The following SPATA16 variants were observed in gnomAD, a reference collection of about 807,000 sequenced individuals.
SPATA16 encodes spermatogenesis associated 16.
SPATA16 carries 36 observed loss-of-function variants against 63.3 expected under a neutral mutation model. That is an observed-to-expected ratio of 0.57 (90% CI 0.44 to 0.75). The LOEUF (loss-of-function observed/expected upper bound fraction) is 0.75, where lower values mean the gene tolerates loss of function less well. Ranked by LOEUF, SPATA16 falls within the 30% of genes least tolerant of loss-of-function variation. The probability of loss-of-function intolerance (pLI) is 0.00; values close to 1 mark genes in which losing one functional copy is unlikely to be tolerated. For missense variants in SPATA16, 646 were observed against 679.3 expected (o/e 0.95, Z 0.54); for synonymous variants, 203 against 216.7 (o/e 0.94, Z 0.56).
At position 173,034,613 on chromosome 3, in the gene SPATA16, G is replaced by A. The variant is rs1490296033; in HGVS notation, c.758+14336C>T. ...TGACATTGTAGGACTTCTAAATATT[G>A]TCTCTGATTTTCCTTTGCTAAATTA... On this transcript the variant is annotated intron_variant, in intron 3 of 10. Coordinates refer to ENST00000351008, the MANE Select transcript of SPATA16 (RefSeq NM_031955.6). Among the ~76,000 whole-genome samples, 3 of 152,122 alleles carry A rather than the reference G, an allele frequency of 2.0e-5. No homozygotes were observed. In the East Asian group the frequency reaches 5.8e-4, roughly 29 times the overall value.
chr3:173,119,950 G>A (rs1204620010), intron 1 of SPATA16, among the ~76,000 whole-genome samples: 1 of 152,122 alleles, frequency 6.6e-6, no homozygotes, highest in African/African-American at 2.4e-5. Flanking sequence ...AGCCGGATGT[G>A]GTGGCACATG....
intron 3 of SPATA16, among the ~76,000 whole-genome samples, chr3:173,047,480 A>G (rs1735983958): frequency 6.6e-6 from 1 of 151,974 alleles, no homozygotes; most frequent in South Asian, 2.1e-4. Flanking sequence ...ATGTATGCCT[A>G]TGGATTTTCT....
At chr3:172,922,439 G>A (rs911068359) in intron 8 of SPATA16, among the ~76,000 whole-genome samples, 4 of 152,150 alleles carry the variant, frequency 2.6e-5, no homozygotes, top group African/African-American at 9.7e-5. Context: ...AAAGATTCAT[G>A]TCTAAACAAA....
intron 3 of SPATA16, among the ~76,000 whole-genome samples, chr3:173,028,860 C>T (rs183333473): frequency 1.3e-5 from 2 of 151,920 alleles, no homozygotes; most frequent in Non-Finnish European, 2.9e-5. Context: ...ATCACCATAT[C>T]GGAAGCTGTC....
At chr3:173,088,325 C>T (rs1001467363) in intron 2 of SPATA16, among the ~76,000 whole-genome samples, 3 of 151,796 alleles carry the variant, frequency 2.0e-5, no homozygotes, top group South Asian at 4.2e-4. Flanking sequence ...CCTCATGATC[C>T]GACCACCTTG....
chr3:172,971,982 T>C (rs961232010), intron 5 of SPATA16, among the ~76,000 whole-genome samples: 2 of 152,162 alleles, frequency 1.3e-5, no homozygotes, highest in Non-Finnish European at 2.9e-5. Flanking sequence ...CCACAAACTA[T>C]GGGCCGTCTT....
intron 4 of SPATA16, among the ~76,000 whole-genome samples, chr3:172,988,125 G>T (rs1553789432): frequency 6.6e-6 from 1 of 152,114 alleles, no homozygotes; most frequent in Non-Finnish European, 1.5e-5. Context: ...CCCTGATATG[G>T]TAAACTGATT....
At chr3:172,947,928 C>A (rs1363387352) in intron 6 of SPATA16, among the ~76,000 whole-genome samples, 1 of 151,796 alleles carries the variant, frequency 6.6e-6, no homozygotes, top group African/African-American at 2.4e-5. Context: ...ACATGTATCC[C>A]AGAACTTAAA....
chr3:173,023,946 T>C (rs1419738863), intron 3 of SPATA16, among the ~76,000 whole-genome samples: 1 of 150,718 alleles, frequency 6.6e-6, no homozygotes, highest in African/African-American at 2.4e-5. Context: ...AATATATTAC[T>C]ATGAATATAA....
intron 6 of SPATA16, among the ~76,000 whole-genome samples, chr3:172,951,620 G>A (rs962018126): frequency 1.1e-4 from 17 of 152,274 alleles, no homozygotes; most frequent in African/African-American, 4.1e-4. Context: ...GGGCTGGCTG[G>A]AGAGAAAATA....
intron 10 of SPATA16, among the ~76,000 whole-genome samples, chr3:172,902,111 C>T (rs760810733): frequency 2.0e-5 from 3 of 152,174 alleles, no homozygotes; most frequent in Non-Finnish European, 4.4e-5. Flanking sequence ...GATCTCGGCT[C>T]ACTGAAACCT....
intron 1 of SPATA16, 129 bp from the exon 2 acceptor site, chr3:173,117,878 G>A: frequency 7.1e-7 from 1 of 1,404,896 alleles, no homozygotes; most frequent in Non-Finnish European, 9.7e-7. Flanking sequence ...AAGTAAAACT[G>A]TATTTACATA....
intron 5 of SPATA16, among the ~76,000 whole-genome samples, chr3:172,971,428 G>A (rs1001434043): frequency 1.3e-5 from 2 of 152,264 alleles, no homozygotes; most frequent in East Asian, 3.9e-4. Flanking sequence ...TAACAAATCT[G>A]TATCAAGCTG....
At chr3:173,139,109 T>G (rs1275694035) in intron 1 of SPATA16, among the ~76,000 whole-genome samples, 3 of 152,230 alleles carry the variant, frequency 2.0e-5, no homozygotes, top group Non-Finnish European at 4.4e-5. Context: ...CTCATGTAAT[T>G]GTTGAGAAGA....
At chr3:172,959,028 CT>C (rs1733673713) in intron 5 of SPATA16, among the ~76,000 whole-genome samples, 1 of 152,174 alleles carries the variant, frequency 6.6e-6, no homozygotes. Context: ...TCAGAAACAG[CT>C]TTCTGATGGT....
At chr3:173,072,651 C>T (rs1736701596) in intron 2 of SPATA16, among the ~76,000 whole-genome samples, 1 of 152,170 alleles carries the variant, frequency 6.6e-6, no homozygotes, top group African/African-American at 2.4e-5. Context: ...TGAGGCCTCC[C>T]CAGACATGTG....
intron 10 of SPATA16, among the ~76,000 whole-genome samples, chr3:172,896,422 C>T (rs897040656): frequency 1.3e-5 from 2 of 152,106 alleles, no homozygotes; most frequent in South Asian, 2.1e-4. Context: ...AGAGTTTCAT[C>T]GTGTTAGCCA....
chr3:172,980,369 T>A (rs116563193), intron 4 of SPATA16, among the ~76,000 whole-genome samples: 3,050 of 152,284 alleles, frequency 0.02, 41 homozygotes, highest in Admixed American at 0.031. Context: ...ATTAGAACAA[T>A]ATCTAGGTGC....
intron 2 of SPATA16, among the ~76,000 whole-genome samples, chr3:173,089,973 C>G (rs529581593): frequency 1.3e-5 from 2 of 152,160 alleles, no homozygotes; most frequent in East Asian, 1.9e-4. Flanking sequence ...TACTAAAAAG[C>G]CTGCTTTTAA....
Sources: allele counts gnomAD v4.1 joint callset (sites outside exome capture counted in the v4.1 genomes callset), GRCh38; gene constraint gnomAD v4.1.1; transcripts MANE v1.5; gene names NCBI Gene and HGNC (gene_info 2026-07-23, HGNC 2026-07-21).